DLGAP3: variants seen among roughly 807,000 people sequenced by gnomAD.
The protein encoded by DLGAP3 is disks large-associated protein 3.
A neutral mutation model predicts 81.2 loss-of-function variants in DLGAP3; 17 were observed. That is an observed-to-expected ratio of 0.21 (90% CI 0.14 to 0.31). The LOEUF is 0.31. Among genes scored for constraint, DLGAP3 ranks in the 10% least tolerant of loss-of-function variants. DLGAP3 has a pLI of 1.00. For synonymous variants in DLGAP3, 577 were observed against 587.4 expected, an observed-to-expected ratio of 0.98 and a Z score of 0.26; for missense variants, 1,124 against 1,388.0, an observed-to-expected ratio of 0.81 and a Z score of 3.02.
chr1:34,866,162 G>A lies in DLGAP3; in HGVS notation c.2861C>T (p.Ala954Val). The change falls in exon 12 of 12, where the codon GCT (alanine) becomes GTT (valine). Residue 954 changes from alanine to valine, a missense_variant. By Grantham distance (64) the Ala-to-Val change is moderately conservative. Transcript: ENST00000373347. ...RKRLLAAKRA[A>V]SFRHSSATES... ...GGTGGCCGAGCTGTGGCGGAAGGAAGCGGCGCGCTTGGCCGCCAGGAGCCG... is the reference window on the plus strand; with the variant it reads ...GGTGGCCGAGCTGTGGCGGAAGGAAACGGCGCGCTTGGCCGCCAGGAGCCG... The A allele has an allele frequency of 6.3e-7, 1 of 1,597,786 alleles. No individual in the cohort carries two copies. The highest frequency in any genetic ancestry group is 8.5e-7 in the Non-Finnish European group (1 of 1,178,624).
At chr1:34,923,207 A>G (rs938122225) in intron 1 of DLGAP3, among the ~76,000 whole-genome samples, 3 of 152,162 alleles carry the variant, frequency 2.0e-5, no homozygotes, top group African/African-American at 7.2e-5. Flanking sequence ...TCAAACTCCA[A>G]AAGTTACTGG....
At chr1:34,888,021 T>C (rs1639260654) in intron 5 of DLGAP3, among the ~76,000 whole-genome samples, 1 of 152,186 alleles carries the variant, frequency 6.6e-6, no homozygotes, top group South Asian at 2.1e-4. Flanking sequence ...AATCATCCCC[T>C]GTGGATGATT....
chr1:34,913,739 C>T lies in DLGAP3; in HGVS notation c.-134-6302G>A, dbSNP rs115006814. ...ACCTATTCTGTGAATGAATGTTTTC[C>T]CTTGCTGCCCTCACCCACTCTGCTC... is the stretch of plus-strand genomic sequence containing the variant. On this transcript the variant is annotated intron_variant, in intron 1 of 11. Transcript: ENST00000373347. 6.0e-3 allele frequency among the ~76,000 whole-genome samples: 912 copies of T among 152,200 alleles called. 12 individuals carry two copies. Among genetic ancestry groups the T allele is most frequent in the African/African-American group, 0.021 (855 of 41,518 alleles).
chr1:34,906,116 TTATATATACA>T (rs1030635613), intron 2 of DLGAP3, among the ~76,000 whole-genome samples: 1 of 144,582 alleles, frequency 6.9e-6, no homozygotes, highest in Admixed American at 7.0e-5. Context: ...AGAAATATTT[TTATATATACA>T]TATATATACA....
chr1:34,875,503 G>GT (rs2148396089), intron 8 of DLGAP3, among the ~76,000 whole-genome samples: 1 of 152,248 alleles, frequency 6.6e-6, no homozygotes, highest in South Asian at 2.1e-4. Flanking sequence ...ATTTTGGTGG[G>GT]TTTTGCTGTT....
intron 8 of DLGAP3, among the ~76,000 whole-genome samples, chr1:34,878,660 G>A (rs1639097091): frequency 6.6e-6 from 1 of 152,134 alleles, no homozygotes; most frequent in African/African-American, 2.4e-5. Context: ...AGAACTGATA[G>A]ATCAAATGTA....
chr1:34,887,157 G>A (rs1639247060), intron 5 of DLGAP3, among the ~76,000 whole-genome samples: 1 of 151,542 alleles, frequency 6.6e-6, no homozygotes, highest in African/African-American at 2.4e-5. Context: ...GGATTTCACC[G>A]TATTAGCCAG....
chr1:34,909,272 C>T (rs1477567078), intron 1 of DLGAP3, among the ~76,000 whole-genome samples: 2 of 152,230 alleles, frequency 1.3e-5, no homozygotes, highest in African/African-American at 2.4e-5. Context: ...GTTCTCCTTG[C>T]TCTTGTCTTG....
Position 34,886,080 on chromosome 1 carries a change from G to A in DLGAP3, c.1592C>T (p.Pro531Leu), listed in dbSNP as rs1459278104. The change falls in exon 6 of 12, where the codon CCC (proline) becomes CTC (leucine). Residue 531 changes from proline to leucine, a missense_variant. Coordinates refer to ENST00000373347, the MANE Select transcript of DLGAP3 (RefSeq NM_001080418.3). ...CAGGAAGGTGTACTCACAGGAGCCG[G>A]GCCTCCCTGAGACAGCGGCAGGGGT... Reference protein sequence around the residue: ...LATPAAVSGRPGSSFNFRKAP... With the variant: ...LATPAAVSGRLGSSFNFRKAP... 1 of 1,602,574 alleles carries A rather than the reference G, an allele frequency of 6.2e-7. No homozygotes were observed. The highest frequency in any genetic ancestry group is 8.5e-7 in the Non-Finnish European group (1 of 1,176,040).
Position 34,886,085 on chromosome 1 carries a change from C to A in DLGAP3, c.1587G>T (p.Gly529=). The change falls in exon 6 of 12, where the codon GGG becomes GGT. Residue 529 remains glycine, a synonymous_variant. Transcript: ENST00000373347. ...PLLATPAAVS[G]RPGSSFNFRK... ...AGGTGTACTCACAGGAGCCGGGCCT[C>A]CCTGAGACAGCGGCAGGGGTAGCGA... 3 of 1,604,538 alleles carry A rather than the reference C, an allele frequency of 1.9e-6. No individual in the cohort carries two copies. Among genetic ancestry groups the A allele is most frequent in the Non-Finnish European group, 2.5e-6 (3 of 1,176,862 alleles).
At position 34,867,705 on chromosome 1, in the gene DLGAP3, C is replaced by T. The variant is rs537897051; in HGVS notation, c.2486-78G>A. ...CCTCCACGAAGTCTGCCCTGAATGA[C>T]GCTGACCCCTCGGTTGCTTGGCACT... On this transcript the variant is annotated intron_variant, in intron 9 of 11. Coordinates refer to ENST00000373347, the MANE Select transcript of DLGAP3 (RefSeq NM_001080418.3). The surrounding 1 kb of genome is among the most constrained non-coding windows in gnomAD (Gnocchi z 4.3). The T allele has an allele frequency of 4.9e-5, 59 of 1,205,140 alleles. No homozygotes were observed. Among genetic ancestry groups the T allele is most frequent in the Admixed American group, 1.2e-4 (7 of 59,294 alleles). 74.7% of individuals were successfully genotyped at this position (1,205,140 alleles called of 1,614,324 possible). A position where few individuals can be genotyped will look rare whatever the true frequency, so the allele number is the denominator to read the frequency against.
At chr1:34,912,464 G>A (rs911442467) in intron 1 of DLGAP3, among the ~76,000 whole-genome samples, 4 of 152,214 alleles carry the variant, frequency 2.6e-5, no homozygotes, top group Non-Finnish European at 5.9e-5. Context: ...TCCCCAGGAA[G>A]TTGTCTGGGA....
chr1:34,897,634 T>G (rs535066990), intron 5 of DLGAP3, among the ~76,000 whole-genome samples: 2 of 152,254 alleles, frequency 1.3e-5, no homozygotes, highest in South Asian at 4.2e-4. Context: ...ACGTGAGGGT[T>G]TTGAACAGAA....
At chr1:34,917,257 T>C (rs1481854028) in intron 1 of DLGAP3, among the ~76,000 whole-genome samples, 2 of 152,080 alleles carry the variant, frequency 1.3e-5, no homozygotes, top group Admixed American at 6.5e-5. Flanking sequence ...ATATAGTCAC[T>C]GTCACGCTGT....
chr1:34,926,879 G>A (rs903605408), intron 1 of DLGAP3, among the ~76,000 whole-genome samples: 3 of 152,118 alleles, frequency 2.0e-5, no homozygotes, highest in Non-Finnish European at 4.4e-5. Context: ...ACCCAATAAG[G>A]TAAGGAATGG....
intron 1 of DLGAP3, among the ~76,000 whole-genome samples, chr1:34,923,853 T>C (rs1356927735): frequency 6.6e-6 from 1 of 152,136 alleles, no homozygotes; most frequent in Non-Finnish European, 1.5e-5. Context: ...ATCAACTGGT[T>C]CAGTTTGAGA....
In DLGAP3 at chr1:34,929,417, C is replaced by A. The variant is rs1197001163; in HGVS notation, c.-135+34G>T. ...GGGGCGCTGCAGAGGGAGCCGCGAGCGCGGCCCCGTCCCCACTCCTCCCCG... is the reference window on the plus strand; with the variant it reads ...GGGGCGCTGCAGAGGGAGCCGCGAGAGCGGCCCCGTCCCCACTCCTCCCCG... On this transcript the variant is annotated intron_variant, in intron 1 of 11. Coordinates refer to ENST00000373347, the MANE Select transcript of DLGAP3 (RefSeq NM_001080418.3). The surrounding 1 kb of genome is among the most constrained non-coding windows in gnomAD (Gnocchi z 6.5). 6.8e-6 allele frequency: 1 copy of A among 148,068 alleles called. No homozygotes were observed. Among genetic ancestry groups the A allele is most frequent in the African/African-American group, 2.4e-5 (1 of 41,006 alleles). The allele number at this position is 148,068 out of a possible 1,614,324, so 9.2% of individuals were successfully genotyped here. A position where few individuals can be genotyped will look rare whatever the true frequency, so the allele number is the denominator to read the frequency against.
chr1:34,906,740 C>G (rs577737475), intron 2 of DLGAP3, among the ~76,000 whole-genome samples: 1 of 152,262 alleles, frequency 6.6e-6, no homozygotes, highest in African/African-American at 2.4e-5. Context: ...CTCCCAGGAA[C>G]AGAGGGAAGG....
At chr1:34,913,860 T>C (rs1639676666) in intron 1 of DLGAP3, among the ~76,000 whole-genome samples, 2 of 152,168 alleles carry the variant, frequency 1.3e-5, no homozygotes, top group Non-Finnish European at 2.9e-5. Flanking sequence ...CCAGCCTCTA[T>C]ACCCAGCCTT....
Sources: gnomAD v4.1 joint callset for allele counts (sites outside exome capture counted in the v4.1 genomes callset) on GRCh38, gnomAD v4.1.1 for gene constraint, Gnocchi (gnomAD v3.1) non-coding constraint, MANE v1.5 for transcripts, NCBI Gene and HGNC (gene_info 2026-07-23, HGNC 2026-07-21) for gene names.